The following SIPA1L3 variants were observed in gnomAD, a reference collection of about 807,000 sequenced individuals.
SIPA1L3 encodes the protein signal-induced proliferation-associated 1-like protein 3.
SIPA1L3 carries 59 observed loss-of-function variants against 150.1 expected under a neutral mutation model. The observed-to-expected ratio is 0.39, with a 90% confidence interval of 0.32 to 0.49. The LOEUF is 0.49. Ranked by LOEUF, SIPA1L3 falls within the 20% of genes least tolerant of loss-of-function variation. SIPA1L3 has a pLI of 0.86. For missense variants in SIPA1L3, 2,211 were observed against 2,489.5 expected (o/e 0.89, Z 2.38); for synonymous variants, 1,070 against 1,077.6 (o/e 0.99, Z 0.14).
Position 38,082,316 on chromosome 19 carries a change from A to T in SIPA1L3, c.751A>T (p.Met251Leu), listed in dbSNP as rs1246183328. 3.8e-6 allele frequency: 6 copies of T among 1,599,028 alleles called. No individual in the cohort carries two copies. Among genetic ancestry groups the T allele is most frequent in the Non-Finnish European group, 5.1e-6 (6 of 1,179,132 alleles). Residue 251 changes from methionine (M) to leucine (L), a missense_variant, in exon 3 of 22, where the codon ATG (methionine) becomes TTG (leucine). Coordinates refer to ENST00000222345, the MANE Select transcript of SIPA1L3 (RefSeq NM_015073.3). The stretch of plus-strand genomic sequence containing the variant: ...CCGGGCAGATCCTGGCCCACACCTC[A>T]TGGGGGGCGGCGGCGGAGCCAAGGG... The part of the protein sequence containing the change: ...LLRADPGPHL[M>L]GGGGGAKGDS...
At chr19:38,125,633 C>G (rs113648887) in intron 9 of SIPA1L3, among the ~76,000 whole-genome samples, 6 of 152,146 alleles carry the variant, frequency 3.9e-5, no homozygotes, top group Non-Finnish European at 7.3e-5. Context: ...GGGGCAGGCC[C>G]GTTTTGAATG....
chr19:38,205,436 G>C (rs560181829), intron 21 of SIPA1L3, among the ~76,000 whole-genome samples: 10 of 137,308 alleles, frequency 7.3e-5, no homozygotes, highest in Admixed American at 7.0e-4. Flanking sequence ...CAGCTTGGGC[G>C]ACAAGAGCAA....
chr19:38,184,823 C>T (rs1433428185), intron 16 of SIPA1L3: 2 of 152,188 alleles, frequency 1.3e-5, no homozygotes, highest in African/African-American at 2.4e-5. Flanking sequence ...ACTCAGCAGC[C>T]TCCCCATGCT....
At chr19:38,179,609 C>T (rs1005925583) in intron 15 of SIPA1L3, among the ~76,000 whole-genome samples, 1 of 152,134 alleles carries the variant, frequency 6.6e-6, no homozygotes, top group Non-Finnish European at 1.5e-5. Flanking sequence ...ATTTCCTTCT[C>T]CCTTTTTTGT....
At chr19:37,944,688 C>A (rs1460570380) in intron 1 of SIPA1L3, among the ~76,000 whole-genome samples, 1 of 152,184 alleles carries the variant, frequency 6.6e-6, no homozygotes, top group Non-Finnish European at 1.5e-5. Context: ...AGTGCATTCA[C>A]ACCTGTCATC....
At chr19:38,099,290 C>T (rs1970445207) in intron 4 of SIPA1L3, among the ~76,000 whole-genome samples, 1 of 151,492 alleles carries the variant, frequency 6.6e-6, no homozygotes, top group African/African-American at 2.4e-5. Context: ...CCCACCTTGG[C>T]CTCCCCAAAG....
Position 38,088,794 on chromosome 19 carries a change from A to C in SIPA1L3, c.1608A>C (p.Glu536Asp). Residue 536 changes from glutamate to aspartate, a missense_variant, in exon 4 of 22, where the codon GAA (glutamate) becomes GAC (aspartate). Physicochemically the swap from Glu to Asp is conservative, Grantham distance 45. Coordinates refer to ENST00000222345, the MANE Select transcript of SIPA1L3 (RefSeq NM_015073.3). ...TGAGCATTAAGCGGGAGAAGCTGGA[A>C]GACCACAAGGAGCACGGACCTCAGT... ...VAVSIKREKL[E>D]DHKEHGPQYQ... The C allele has an allele frequency of 6.2e-7, 1 of 1,614,116 alleles. No homozygotes were observed. The highest frequency in any genetic ancestry group is 8.5e-7 in the Non-Finnish European group (1 of 1,180,002).
intron 1 of SIPA1L3, among the ~76,000 whole-genome samples, chr19:37,910,763 C>T (rs1365925485): frequency 6.6e-6 from 1 of 152,132 alleles, no homozygotes; most frequent in Non-Finnish European, 1.5e-5. Context: ...TGCCACCATG[C>T]CTGGCTAATT....
At chr19:38,135,362 C>T (rs1971412329) in intron 10 of SIPA1L3, among the ~76,000 whole-genome samples, 1 of 152,174 alleles carries the variant, frequency 6.6e-6, no homozygotes, top group Admixed American at 6.5e-5. Flanking sequence ...TTTCTCCTGC[C>T]ACCTTCCTAC....
At chr19:38,101,877 G>A (rs560486849) in intron 6 of SIPA1L3, among the ~76,000 whole-genome samples, 49 of 152,310 alleles carry the variant, frequency 3.2e-4, no homozygotes, top group African/African-American at 1.1e-3. Flanking sequence ...GGTGCACCCA[G>A]TGCACACTGG....
At chr19:38,103,857 G>A (rs560738291) in intron 6 of SIPA1L3, among the ~76,000 whole-genome samples, 84 of 130,704 alleles carry the variant, frequency 6.4e-4, no homozygotes, top group African/African-American at 2.3e-3. Context: ...AGCCGAGATC[G>A]CACCACCGCA....
intron 12 of SIPA1L3, among the ~76,000 whole-genome samples, chr19:38,143,246 T>C (rs902559043): frequency 1.3e-5 from 2 of 152,134 alleles, no homozygotes; most frequent in Non-Finnish European, 2.9e-5. Flanking sequence ...CTGAGCTTAT[T>C]CCCCAGCTGC....
rs962314424 is a variant in SIPA1L3, at chr19:38,046,380, T to G, written c.-311+17224T>G. On this transcript the variant is annotated intron_variant, in intron 2 of 21. Transcript: ENST00000222345. This position sits in a 1 kb window ranked among gnomAD's most constrained non-coding sequence, Gnocchi z 5.6. ...TGTCCCCCCTCCTCATTTCCCTATT[T>G]CTTTTGAGTGGCCAGATGACAGCAC... 4.6e-5 allele frequency among the ~76,000 whole-genome samples: 7 copies of G among 152,010 alleles called. No homozygotes were observed. Among genetic ancestry groups the G allele is most frequent in the African/African-American group, 1.7e-4 (7 of 41,362 alleles).
At chr19:38,005,358 G>A in intron 1 of SIPA1L3, among the ~76,000 whole-genome samples, 1 of 142,642 alleles carries the variant, frequency 7.0e-6, no homozygotes, top group South Asian at 2.4e-4. Flanking sequence ...CCCCACTCCC[G>A]CCTCATCCTG....
At chr19:38,193,444 C>T (rs536694355) in intron 17 of SIPA1L3, 93 bp from the exon 18 acceptor site, 692 of 1,342,624 alleles carry the variant, frequency 5.2e-4, no homozygotes, top group Non-Finnish European at 6.2e-4. Flanking sequence ...GGTAAGGACT[C>T]GCCACCAATG....
intron 15 of SIPA1L3, among the ~76,000 whole-genome samples, chr19:38,171,229 A>G (rs1972320793): frequency 6.6e-6 from 1 of 152,078 alleles, no homozygotes. Flanking sequence ...CACTGAACAC[A>G]GGCCCTTGGG....
rs1969049829 is a variant in SIPA1L3, at chr19:38,046,048, T to G, written c.-311+16892T>G. Among the ~76,000 whole-genome samples, 1 of 152,150 alleles carries G rather than the reference T, an allele frequency of 6.6e-6. No individual in the cohort carries two copies. The highest frequency in any genetic ancestry group is 1.5e-5 in the Non-Finnish European group (1 of 68,022). On this transcript the variant is annotated intron_variant, in intron 2 of 21. Transcript: ENST00000222345. This position sits in a 1 kb window ranked among gnomAD's most constrained non-coding sequence, Gnocchi z 5.6. ...CAGGACAGTTTGTACCGCTCCAGGG[T>G]CACGTCAGAGACTCCAGAGCCGCCT...
chr19:38,138,897 CAA>C lies in SIPA1L3; in HGVS notation c.3144-2270_3144-2269del, dbSNP rs3045988. The stretch of plus-strand genomic sequence containing the variant: ...TGGGTGACAGAACGAGACTCTATCT[CAA>C]AAAAAAAAAAAAAAAACTGAGTGTG... On this transcript the variant is annotated intron_variant, in intron 10 of 21. Transcript: ENST00000222345. 6.2e-3 allele frequency among the ~76,000 whole-genome samples: 274 copies of C among 44,124 alleles called. 13 individuals carry two copies. Among genetic ancestry groups the C allele is most frequent in the African/African-American group, 0.025 (231 of 9,292 alleles). The allele number at this position is 44,124 out of a possible 152,430, so 28.9% of individuals were successfully genotyped here. A position where few individuals can be genotyped will look rare whatever the true frequency, so the allele number is the denominator to read the frequency against.
intron 1 of SIPA1L3, among the ~76,000 whole-genome samples, chr19:38,015,814 G>A (rs1968220004): frequency 6.6e-6 from 1 of 151,488 alleles, no homozygotes. Flanking sequence ...TCTTTCTGCT[G>A]TGTTCGAAGC....
Sources: gnomAD v4.1 joint callset for allele counts (sites outside exome capture counted in the v4.1 genomes callset) on GRCh38, gnomAD v4.1.1 for gene constraint, Gnocchi (gnomAD v3.1) non-coding constraint, MANE v1.5 for transcripts, NCBI Gene and HGNC (gene_info 2026-07-23, HGNC 2026-07-21) for gene names.